SIK2: variants seen among roughly 807,000 people sequenced by gnomAD.
The protein encoded by SIK2 is salt inducible kinase 2.
SIK2 carries 29 observed loss-of-function variants against 103.2 expected under a neutral mutation model. That is an observed-to-expected ratio of 0.28 (90% CI 0.21 to 0.38). The LOEUF (loss-of-function observed/expected upper bound fraction) is 0.38, where lower values mean the gene tolerates loss of function less well. SIK2 is among the 10% of genes least tolerant of loss of function. SIK2 has a pLI of 1.00. For synonymous variants in SIK2, 412 were observed against 446.1 expected (o/e 0.92, Z 0.96); for missense variants, 879 against 1,171.0 (o/e 0.75, Z 3.64).
At position 111,726,916 on chromosome 11, in the gene SIK2, AAT is replaced by A. The variant is rs753097693; in HGVS notation, c.*2790_*2791del. 4.1e-5 allele frequency: 65 copies of A among 1,582,434 alleles called. No homozygotes were observed. Among genetic ancestry groups the A allele is most frequent in the Non-Finnish European group, 5.6e-5 (65 of 1,152,756 alleles). On this transcript the variant is annotated 3_prime_UTR_variant, in exon 15 of 15. Transcript: ENST00000304987. ...AAAAATTTCGTTCGGCAAAAAGTGC[AAT>A]ATGTGTGGTACTTTATTTTTTATGT...
intron 3 of SIK2, among the ~76,000 whole-genome samples, chr11:111,655,959 G>T (rs151230373): frequency 1.3e-5 from 2 of 151,330 alleles, no homozygotes; most frequent in East Asian, 3.9e-4. Flanking sequence ...AAGGCAGGAG[G>T]ATTGCTTAAG....
intron 3 of SIK2, among the ~76,000 whole-genome samples, chr11:111,679,256 A>G (rs1287794037): frequency 6.6e-6 from 1 of 152,232 alleles, no homozygotes; most frequent in Admixed American, 6.5e-5. Context: ...TTGAACATAT[A>G]GTCATGAAAG....
chr11:111,715,960 C>A (rs373744272), intron 9 of SIK2, among the ~76,000 whole-genome samples: 2 of 152,006 alleles, frequency 1.3e-5, no homozygotes, highest in Admixed American at 6.6e-5. Context: ...TGCCACCACA[C>A]CCAGCTAAGT....
At position 111,622,911 on chromosome 11, in the gene SIK2, G is replaced by T. The variant is rs367930112; in HGVS notation, c.316+2509G>T. ...TTTCTTCATGATTCTTATGTTTGGT[G>T]TTCATTGAGCTTTTTGGATCTGTGA... On this transcript the variant is annotated intron_variant, in intron 3 of 14. Transcript: ENST00000304987. 2.0e-5 allele frequency among the ~76,000 whole-genome samples: 3 copies of T among 151,978 alleles called. No homozygotes were observed. The South Asian group carries it at 6.2e-4, about 31-fold the overall frequency.
At chr11:111,658,464 C>T (rs1010958964) in intron 3 of SIK2, among the ~76,000 whole-genome samples, 11 of 152,014 alleles carry the variant, frequency 7.2e-5, no homozygotes, top group East Asian at 1.9e-4. Flanking sequence ...GAGATACGGC[C>T]GAGTGCAGTG....
At position 111,688,020 on chromosome 11, in the gene SIK2, C is replaced by A. The variant is rs1942870393; in HGVS notation, c.336C>A (p.Gly112=). 6.2e-7 allele frequency: 1 copy of A among 1,614,030 alleles called. No homozygotes were observed. The highest frequency in any genetic ancestry group is 1.3e-5 in the African/African-American group (1 of 75,016). Residue 112 remains glycine, a synonymous_variant, in exon 4 of 15, where the codon GGC becomes GGA. Transcript: ENST00000304987. This position sits in a 1 kb window ranked among gnomAD's most constrained non-coding sequence, Gnocchi z 4.2. ...TTACAGACTATCTTGCTAATCATGG[C>A]CGGTTAAATGAGTCTGAAGCCAGGC... ...GEIFDYLANH[G]RLNESEARRK... is the part of the protein sequence containing the mutation.
intron 4 of SIK2, among the ~76,000 whole-genome samples, chr11:111,697,417 G>A (rs1461175384): frequency 1.3e-5 from 2 of 152,184 alleles, no homozygotes; most frequent in African/African-American, 4.8e-5. Flanking sequence ...AACTTAGTCT[G>A]ATGGGATAGA....
intron 3 of SIK2, among the ~76,000 whole-genome samples, chr11:111,676,582 G>A (rs1253124794): frequency 6.6e-6 from 1 of 152,124 alleles, no homozygotes; most frequent in Admixed American, 6.6e-5. Context: ...TTCACCTGAA[G>A]AACTTAAAGA....
At chr11:111,616,509 G>A (rs1249987089) in intron 2 of SIK2, 150 bp downstream of exon 2, 2 of 581,674 alleles carry the variant, frequency 3.4e-6, no homozygotes, top group Non-Finnish European at 6.1e-6. Context: ...TTTCTATATT[G>A]TCTTTAAACT....
intron 3 of SIK2, among the ~76,000 whole-genome samples, chr11:111,629,243 A>G (rs1461235868): frequency 2.6e-5 from 4 of 152,184 alleles, no homozygotes; most frequent in Non-Finnish European, 5.9e-5. Flanking sequence ...TACTTGATTT[A>G]TTTTTTAAAA....
chr11:111,633,680 C>T (rs1487515980), intron 3 of SIK2, among the ~76,000 whole-genome samples: 2 of 152,178 alleles, frequency 1.3e-5, no homozygotes, highest in Non-Finnish European at 2.9e-5. Flanking sequence ...ACTTTTTCTT[C>T]TAACTCCCAC....
chr11:111,637,426 C>T (rs1248151573), intron 3 of SIK2, among the ~76,000 whole-genome samples: 1 of 150,956 alleles, frequency 6.6e-6, no homozygotes, highest in Non-Finnish European at 1.5e-5. Context: ...TGGAATAACA[C>T]CCTTATCTTA....
At chr11:111,694,601 T>G (rs1488529932) in intron 4 of SIK2, among the ~76,000 whole-genome samples, 1 of 152,190 alleles carries the variant, frequency 6.6e-6, no homozygotes, top group Non-Finnish European at 1.5e-5. Flanking sequence ...TTTTAAAAAT[T>G]TTTAAGTATT....
intron 3 of SIK2, among the ~76,000 whole-genome samples, chr11:111,649,541 C>T (rs2135862535): frequency 6.6e-6 from 1 of 151,902 alleles, no homozygotes; most frequent in East Asian, 1.9e-4. Context: ...TGTAATTATC[C>T]AGCTCTATTA....
intron 4 of SIK2, among the ~76,000 whole-genome samples, chr11:111,691,757 A>C (rs1942947132): frequency 6.6e-6 from 1 of 152,180 alleles, no homozygotes; most frequent in South Asian, 2.1e-4. Flanking sequence ...ATCCTCAAAA[A>C]TTTTAGTAAA....
intron 3 of SIK2, among the ~76,000 whole-genome samples, chr11:111,631,227 T>G (rs1489736712): frequency 2.0e-5 from 3 of 152,180 alleles, no homozygotes; most frequent in Non-Finnish European, 4.4e-5. Flanking sequence ...ATAGAGGTAT[T>G]TCATTCTGTA....
At chr11:111,668,210 G>A (rs1466256392) in intron 3 of SIK2, among the ~76,000 whole-genome samples, 4 of 143,170 alleles carry the variant, frequency 2.8e-5, no homozygotes, top group Non-Finnish European at 6.2e-5. Flanking sequence ...GTGTGTTTGT[G>A]CACACGCATG....
intron 3 of SIK2, among the ~76,000 whole-genome samples, chr11:111,662,410 T>C (rs1942478804): frequency 6.6e-6 from 1 of 152,080 alleles, no homozygotes; most frequent in Admixed American, 6.5e-5. Flanking sequence ...AACAGACACA[T>C]ATATAAAATG....
In SIK2 at chr11:111,725,301, G is replaced by A. The variant is rs149005940; in HGVS notation, c.*1172G>A. 795 of 152,708 alleles carry A rather than the reference G, an allele frequency of 5.2e-3. 8 individuals are homozygous for A. Among genetic ancestry groups the A allele is most frequent in the South Asian group, 9.1e-3 (44 of 4,816 alleles). The allele number at this position is 152,708 out of a possible 1,614,324, so 9.5% of individuals were successfully genotyped here. On this transcript the variant is annotated 3_prime_UTR_variant, in exon 15 of 15. Coordinates refer to ENST00000304987, the MANE Select transcript of SIK2 (RefSeq NM_015191.3). ...TGTGGGAATCAGCATTCTTAATTTC[G>A]TTAAAGTTTTGACTTGTAATGAAAT...
Sources: allele counts gnomAD v4.1 joint callset (sites outside exome capture counted in the v4.1 genomes callset), GRCh38; gene constraint gnomAD v4.1.1; non-coding constraint Gnocchi (gnomAD v3.1); transcripts MANE v1.5; gene names NCBI Gene and HGNC (gene_info 2026-07-23, HGNC 2026-07-21).